MLYCD: variants seen among roughly 807,000 people sequenced by gnomAD.
MLYCD encodes malonyl-CoA decarboxylase, mitochondrial.
In MLYCD, 27 loss-of-function variants were observed where a neutral mutation model predicts 35.8. The observed-to-expected ratio is 0.75, with a 90% confidence interval of 0.56 to 1.04. The LOEUF is 1.04. MLYCD is among the 50% of genes least tolerant of loss of function. The pLI is 0.00. For missense variants in MLYCD, 917 were observed against 665.1 expected (o/e 1.38, Z -4.17); for synonymous variants, 403 against 302.4 (o/e 1.33, Z -3.45).
intron 3 of MLYCD, among the ~76,000 whole-genome samples, chr16:83,910,690 CAAAA>C (rs113252752): frequency 5.4e-5 from 5 of 93,442 alleles, no homozygotes; most frequent in Admixed American, 1.1e-4. Context: ...GACTCCATCT[CAAAA>C]AAAAAAAAAA....
At chr16:83,906,545 G>C (rs142776820) in intron 1 of MLYCD, among the ~76,000 whole-genome samples, 3 of 152,178 alleles carry the variant, frequency 2.0e-5, no homozygotes, top group African/African-American at 4.8e-5. Context: ...AAATGTAGGC[G>C]TAATGTTTTG....
Position 83,923,081 on chromosome 16 carries a change from C to G in MLYCD, c.*7592C>G, listed in dbSNP as rs1212930851. 2.6e-5 allele frequency: 4 copies of G among 152,296 alleles called. No individual in the cohort carries two copies. Among genetic ancestry groups the G allele is most frequent in the Non-Finnish European group, 4.4e-5 (3 of 68,092 alleles). 9.4% of individuals were successfully genotyped at this position (152,296 alleles called of 1,614,324 possible). On this transcript the variant is annotated 3_prime_UTR_variant, in exon 5 of 5. Coordinates refer to ENST00000262430, the MANE Select transcript of MLYCD (RefSeq NM_012213.3). ...GGCCTCTCTGTCTCTCTGTGTCTTT[C>G]TCTTTCTACCCTCTCCATCCCTCCT...
chr16:83,908,389 T>TTA, intron 3 of MLYCD, 107 bp downstream of exon 3: 1 of 1,248,034 alleles, frequency 8.0e-7, no homozygotes. Context: ...TTTTTTTTTT[T>TTA]AAATAAATGG....
At chr16:83,912,648 T>G (rs986327402) in intron 4 of MLYCD, 1 of 456,078 alleles carries the variant, frequency 2.2e-6, no homozygotes, top group Non-Finnish European at 4.1e-6. Flanking sequence ...TAGGGTGACC[T>G]CGTTCTGACC....
At chr16:83,906,456 A>T (rs982635020) in intron 1 of MLYCD, among the ~76,000 whole-genome samples, 2 of 152,200 alleles carry the variant, frequency 1.3e-5, no homozygotes, top group African/African-American at 2.4e-5. Flanking sequence ...TCCTGACTTG[A>T]GAGATGTTAA....
chr16:83,902,210 T>C (rs1303459016), intron 1 of MLYCD, among the ~76,000 whole-genome samples: 2 of 146,580 alleles, frequency 1.4e-5, no homozygotes, highest in Non-Finnish European at 3.0e-5. Context: ...TTTTGTTGTT[T>C]ACGGTTTTTT....
chr16:83,908,381 T>G (rs904648237), intron 3 of MLYCD, 99 bp downstream of exon 3: 3 of 1,428,728 alleles, frequency 2.1e-6, no homozygotes, highest in Non-Finnish European at 2.8e-6. Flanking sequence ...CCTCCTTTTT[T>G]TTTTTTTTAA....
chr16:83,926,333 A>C lies in MLYCD; in HGVS notation c.*10844A>C, dbSNP rs977624200. 1.4e-4 allele frequency: 22 copies of C among 152,404 alleles called. No individual in the cohort carries two copies. The highest frequency in any genetic ancestry group is 4.6e-4 in the African/African-American group (19 of 41,472). The allele number at this position is 152,404 out of a possible 1,614,324, so 9.4% of individuals were successfully genotyped here. A position where few individuals can be genotyped will look rare whatever the true frequency, so the allele number is the denominator to read the frequency against. On this transcript the variant is annotated 3_prime_UTR_variant, in exon 5 of 5. Coordinates refer to ENST00000262430, the MANE Select transcript of MLYCD (RefSeq NM_012213.3). Reference sequence around the variant, plus strand: ...CTAGCTCACTCGGACCCCACCCTGCACTGGGAAGGAGGGTCCCTGTCCCCG... The same window carrying C: ...CTAGCTCACTCGGACCCCACCCTGCCCTGGGAAGGAGGGTCCCTGTCCCCG...
In MLYCD at chr16:83,912,379, G is replaced by A. The variant is rs1907212081; in HGVS notation, c.948+12G>A. ...TCAAGGAGTTGCAGGTAAGCGACAC[G>A]CAGGGAGCCCCGGTCACGCTTGGCT... On this transcript the variant is annotated intron_variant, in intron 4 of 4. Coordinates refer to ENST00000262430, the MANE Select transcript of MLYCD (RefSeq NM_012213.3). The A allele has an allele frequency of 2.5e-6, 4 of 1,613,930 alleles. No individual in the cohort carries two copies. Among genetic ancestry groups the A allele is most frequent in the African/African-American group, 1.3e-5 (1 of 74,908 alleles).
intron 3 of MLYCD, among the ~76,000 whole-genome samples, chr16:83,910,971 A>G (rs1186258955): frequency 4.0e-5 from 6 of 151,888 alleles, no homozygotes; most frequent in Non-Finnish European, 5.9e-5. Context: ...TCCATACACA[A>G]TTTCTTTCTT....
Position 83,915,498 on chromosome 16 carries a change from C to T in MLYCD, c.*9C>T, listed in dbSNP as rs1445225694. ...AGAACAGCAAGCTCTGACAGTAAACCTCTCCTAAAGCACAGGGCCCCGGCT... is the reference window on the plus strand; with the variant it reads ...AGAACAGCAAGCTCTGACAGTAAACTTCTCCTAAAGCACAGGGCCCCGGCT... On this transcript the variant is annotated 3_prime_UTR_variant, in exon 5 of 5. Coordinates refer to ENST00000262430, the MANE Select transcript of MLYCD (RefSeq NM_012213.3). 6.2e-7 allele frequency: 1 copy of T among 1,609,214 alleles called. No individual in the cohort carries two copies. Among genetic ancestry groups the T allele is most frequent in the Non-Finnish European group, 8.5e-7 (1 of 1,179,930 alleles).
At chr16:83,912,676 A>G in intron 4 of MLYCD, 4 of 400,316 alleles carry the variant, frequency 1.0e-5, no homozygotes, top group South Asian at 2.1e-5. Context: ...GACACTCTGG[A>G]TTTCACGTGT....
chr16:83,926,271 C>G lies in MLYCD; in HGVS notation c.*10782C>G, dbSNP rs995202077. 6.6e-6 allele frequency: 1 copy of G among 152,450 alleles called. No homozygotes were observed. The highest frequency in any genetic ancestry group is 1.9e-4 in the East Asian group (1 of 5,194). 9.4% of individuals were successfully genotyped at this position (152,450 alleles called of 1,614,324 possible). On this transcript the variant is annotated 3_prime_UTR_variant, in exon 5 of 5. Coordinates refer to ENST00000262430, the MANE Select transcript of MLYCD (RefSeq NM_012213.3). Reference sequence around the variant, plus strand: ...CTCCAAGCCCAGCTCCCCAAGGACTCAGACCCCAGTTGCCCTGCACTGAAC... The same window carrying G: ...CTCCAAGCCCAGCTCCCCAAGGACTGAGACCCCAGTTGCCCTGCACTGAAC...
intron 2 of MLYCD, among the ~76,000 whole-genome samples, chr16:83,907,831 T>G (rs974668456): frequency 2.0e-5 from 3 of 152,160 alleles, no homozygotes; most frequent in African/African-American, 4.8e-5. Flanking sequence ...ACCAAGCGTT[T>G]GATTAGGTTT....
rs1567630675 is a variant in MLYCD, at chr16:83,899,690, A to T, written c.528+18A>T. The stretch of plus-strand genomic sequence containing the variant: ...ACGTCCGGGTAAGGGGCCGCCGTCG[A>T]TCCCCCGGCAGCGCGGACTGGCCGC... On this transcript the variant is annotated intron_variant, in intron 1 of 4. Coordinates refer to ENST00000262430, the MANE Select transcript of MLYCD (RefSeq NM_012213.3). 1.3e-6 allele frequency: 2 copies of T among 1,501,842 alleles called. No homozygotes were observed. The highest frequency in any genetic ancestry group is 1.8e-6 in the Non-Finnish European group (2 of 1,131,078). The allele number at this position is 1,501,842 out of a possible 1,614,324, so 93.0% of individuals were successfully genotyped here. A position where few individuals can be genotyped will look rare whatever the true frequency, so the allele number is the denominator to read the frequency against.
In MLYCD at chr16:83,912,277, G is replaced by A. The variant is rs369708416; in HGVS notation, c.858G>A (p.Ala286=). ...AAGAGAAGAACAAAATCACTGCTGC[G>A]ATCTTTTATTCCATCAGCTTGACCC... is the stretch of plus-strand genomic sequence containing the variant. ...ETEEKNKITA[A]IFYSISLTQQ... The change falls in exon 4 of 5, where the codon GCG becomes GCA. Residue 286 remains alanine (A), a synonymous_variant. Transcript: ENST00000262430. 1.8e-5 allele frequency: 29 copies of A among 1,614,082 alleles called. No individual in the cohort carries two copies. The highest frequency in any genetic ancestry group is 5.3e-5 in the African/African-American group (4 of 74,920).
At chr16:83,905,562 G>A (rs1906943996) in intron 1 of MLYCD, among the ~76,000 whole-genome samples, 1 of 152,170 alleles carries the variant, frequency 6.6e-6, no homozygotes, top group African/African-American at 2.4e-5. Flanking sequence ...CATCTCCAAA[G>A]CCACGTCGTG....
chr16:83,906,167 G>A (rs1464321341), intron 1 of MLYCD, among the ~76,000 whole-genome samples: 1 of 152,138 alleles, frequency 6.6e-6, no homozygotes, highest in Non-Finnish European at 1.5e-5. Flanking sequence ...CAGGCAGATT[G>A]CCTGTGCTCA....
chr16:83,899,544 G>C lies in MLYCD; in HGVS notation c.400G>C (p.Val134Leu), dbSNP rs570734130. Residue 134 changes from valine to leucine, a missense_variant, in exon 1 of 5, where the codon GTG becomes CTG. Coordinates refer to ENST00000262430, the MANE Select transcript of MLYCD (RefSeq NM_012213.3). ...QAEDRLRYAL[V>L]PRYRGLFHHI... ...CGAGGACCGGCTGCGCTACGCGCTG[G>C]TGCCGCGCTATCGCGGCCTCTTCCA... 6.3e-6 allele frequency: 10 copies of C among 1,592,436 alleles called. No individual in the cohort carries two copies. The East Asian group carries it at 2.0e-4, about 32-fold the overall frequency.
Sources: allele counts gnomAD v4.1 joint callset (sites outside exome capture counted in the v4.1 genomes callset), GRCh38; gene constraint gnomAD v4.1.1; transcripts MANE v1.5; gene names NCBI Gene and HGNC (gene_info 2026-07-23, HGNC 2026-07-21).